Variants in RABGEF1 observed in about 807,000 individuals in gnomAD.
RABGEF1 encodes rab5 GDP/GTP exchange factor.
RABGEF1 carries 26 observed loss-of-function variants against 57.3 expected under a neutral mutation model. The ratio of observed to expected loss-of-function variants is 0.45; its 90% CI spans 0.33 to 0.63. The LOEUF is 0.63. RABGEF1 is among the 20% of genes least tolerant of loss of function. RABGEF1 has a pLI of 0.02. For missense variants in RABGEF1, 464 were observed against 607.6 expected (o/e 0.76, Z 2.48); for synonymous variants, 185 against 210.7 (o/e 0.88, Z 1.06).
chr7:66,684,854 C>A (rs1471761417), intron 1 of RABGEF1, among the ~76,000 whole-genome samples: 1 of 152,086 alleles, frequency 6.6e-6, no homozygotes, highest in Admixed American at 6.5e-5. Context: ...CCAGGATGGT[C>A]TCGATCTCCT....
At chr7:66,730,145 G>A (rs552422093) in intron 2 of RABGEF1, among the ~76,000 whole-genome samples, 47 of 152,288 alleles carry the variant, frequency 3.1e-4, no homozygotes, top group African/African-American at 8.4e-4. Context: ...ACTTCCTCAC[G>A]TCCACGGAGA....
intron 4 of RABGEF1, among the ~76,000 whole-genome samples, chr7:66,795,256 G>A (rs546958438): frequency 2.6e-4 from 40 of 152,142 alleles, no homozygotes; most frequent in Non-Finnish European, 5.4e-4. Context: ...AACCGCCTGC[G>A]AGCCTAAATT....
At chr7:66,661,743 G>A in the RABGEF1 span, among the ~76,000 whole-genome samples, 108 of 152,322 alleles carry the variant, frequency 7.1e-4, 1 homozygote, top group Non-Finnish European at 1.2e-3. Context: ...AACTTGAAGA[G>A]GAGGAAATAC....
chr7:66,745,151 CACT>C (rs1313815179), intron 1 of RABGEF1, among the ~76,000 whole-genome samples: 2 of 151,352 alleles, frequency 1.3e-5, no homozygotes, highest in African/African-American at 4.9e-5. Context: ...GAGATTGTGC[CACT>C]GCACTCCAGC....
chr7:66,778,922 C>T (rs547073318), intron 3 of RABGEF1, among the ~76,000 whole-genome samples: 45 of 151,192 alleles, frequency 3.0e-4, no homozygotes, highest in Non-Finnish European at 5.3e-4. Flanking sequence ...TTGAGACCAG[C>T]CTGACCAACG....
At position 66,809,210 on chromosome 7, in the gene RABGEF1, G is replaced by C. The variant is rs919469897; in HGVS notation, c.1402G>C (p.Ala468Pro). The C allele has an allele frequency of 1.2e-6, 2 of 1,614,118 alleles. No individual in the cohort carries two copies. Among genetic ancestry groups the C allele is most frequent in the African/African-American group, 2.7e-5 (2 of 75,034 alleles). The change falls in exon 9 of 9, where the codon GCA becomes CCA. Residue 468 changes from alanine to proline, a missense_variant. Ala to Pro is a conservative substitution (Grantham distance 27). Coordinates refer to ENST00000284957, the MANE Select transcript of RABGEF1 (RefSeq NM_014504.3). ...AATTAAGCCTCCGAATCAACCGTTA[G>C]CAGCTATTGACTCTGAAAACGTTGA... ...LEIKPPNQPL[A>P]AIDSENVEND...
intron 1 of RABGEF1, among the ~76,000 whole-genome samples, chr7:66,695,946 A>T (rs1447672691): frequency 6.8e-6 from 1 of 147,660 alleles, no homozygotes; most frequent in Non-Finnish European, 1.5e-5. Context: ...AGCGTGGGTA[A>T]CAAAGCGAGA....
In RABGEF1 at chr7:66,727,953, C is replaced by T. The variant is rs182126606; in HGVS notation, c.-814-12043C>T. Among the ~76,000 whole-genome samples the T allele has an allele frequency of 4.1e-4, 62 of 152,268 alleles. No individual in the cohort carries two copies. The East Asian group carries it at 9.5e-3, about 23-fold the overall frequency. On this transcript the variant is annotated intron_variant and NMD_transcript_variant, in intron 2 of 9. Coordinates refer to the RABGEF1 transcript ENST00000607882. ...GACCCCCAAACACCCTTGCCTCAGG[C>T]GTCTCCACCAACCTCATCCTCCCCT... is the stretch of plus-strand genomic sequence containing the variant.
At chr7:66,661,749 A>C in the RABGEF1 span, among the ~76,000 whole-genome samples, 1 of 152,254 alleles carries the variant, frequency 6.6e-6, no homozygotes, top group Non-Finnish European at 1.5e-5. Flanking sequence ...AAGAGGAGGA[A>C]ATACTTTCTA....
upstream of RABGEF1, among the ~76,000 whole-genome samples, chr7:66,681,704 C>A (rs1474878540): frequency 6.6e-6 from 1 of 152,200 alleles, no homozygotes; most frequent in Admixed American, 6.5e-5. Flanking sequence ...TGGCTTAAGA[C>A]CCTTTAACTC....
chr7:66,809,269 A>G lies in RABGEF1; in HGVS notation c.1461A>G (p.Gln487=), dbSNP rs2129200879. ...AACTTCCTCCACCACTGCAACCTCAAGTTTATGCAGGATGATCACAATTTA... is the reference window on the plus strand; with the variant it reads ...AACTTCCTCCACCACTGCAACCTCAGGTTTATGCAGGATGATCACAATTTA... The part of the protein sequence containing the change: ...NDKLPPPLQP[Q]VYAG The change falls in exon 9 of 9, where the codon CAA becomes CAG. Residue 487 remains glutamine (Q), a synonymous_variant. Coordinates refer to ENST00000284957, the MANE Select transcript of RABGEF1 (RefSeq NM_014504.3). 5 of 1,608,626 alleles carry G rather than the reference A, an allele frequency of 3.1e-6. No individual in the cohort carries two copies. The highest frequency in any genetic ancestry group is 1.7e-6 in the Non-Finnish European group (2 of 1,176,232).
intron 7 of RABGEF1, among the ~76,000 whole-genome samples, chr7:66,802,629 A>C (rs1787551471): frequency 1.3e-5 from 2 of 152,296 alleles, no homozygotes; most frequent in South Asian, 4.1e-4. Flanking sequence ...CAAATCATGG[A>C]ATTGCACACA....
intron 4 of RABGEF1, among the ~76,000 whole-genome samples, chr7:66,789,470 C>T (rs1467396789): frequency 6.6e-6 from 1 of 151,970 alleles, no homozygotes; most frequent in Non-Finnish European, 1.5e-5. Flanking sequence ...ATCACAAGGT[C>T]AGGAGATCGA....
chr7:66,722,078 G>T (rs1471921452), intron 2 of RABGEF1, among the ~76,000 whole-genome samples: 1 of 152,166 alleles, frequency 6.6e-6, no homozygotes, highest in Non-Finnish European at 1.5e-5. Context: ...GATCACTTGA[G>T]CCCAGGAGTT....
At chr7:66,793,711 C>T (rs991200288) in intron 4 of RABGEF1, among the ~76,000 whole-genome samples, 2 of 124,280 alleles carry the variant, frequency 1.6e-5, no homozygotes, top group African/African-American at 5.5e-5. Flanking sequence ...TTGACAGTAA[C>T]AAGGGCTGCA....
intron 1 of RABGEF1, among the ~76,000 whole-genome samples, chr7:66,743,077 A>G (rs1237895109): frequency 6.6e-6 from 1 of 152,116 alleles, no homozygotes; most frequent in Non-Finnish European, 1.5e-5. Flanking sequence ...TGGGAGGCCG[A>G]GGCGGGCGGA....
intron 1 of RABGEF1, among the ~76,000 whole-genome samples, chr7:66,687,415 C>A (rs1462615652): frequency 6.7e-6 from 1 of 150,256 alleles, no homozygotes; most frequent in South Asian, 2.1e-4. Context: ...CATGAGCCAC[C>A]GCGCCCAGCC....
At position 66,805,221 on chromosome 7, in the gene RABGEF1, C is replaced by T; in HGVS notation, c.902C>T (p.Ala301Val). Reference sequence around the variant, plus strand: ...AAGTGCAGCAAGCACATCTTCAATGCCATCAAGATCACCAAGAATGAGCCG... The same window carrying T: ...AAGTGCAGCAAGCACATCTTCAATGTCATCAAGATCACCAAGAATGAGCCG... Reference protein sequence around the residue: ...ITKCSKHIFNAIKITKNEPAS... With the variant: ...ITKCSKHIFNVIKITKNEPAS... The change falls in exon 8 of 9, where the codon GCC becomes GTC. Residue 301 changes from alanine to valine, a missense_variant. Around this residue, in one of 4 missense-constraint regions of RABGEF1, gnomAD observed 284 missense variants for 389.9 expected, o/e 0.73. Transcript: ENST00000284957. 6.2e-7 allele frequency: 1 copy of T among 1,614,158 alleles called. No homozygotes were observed. The highest frequency in any genetic ancestry group is 8.5e-7 in the Non-Finnish European group (1 of 1,180,014).
intron 1 of RABGEF1, chr7:66,755,981 T>TTATA (rs1369160352): frequency 8.7e-7 from 1 of 1,144,298 alleles, no homozygotes; most frequent in African/African-American, 1.6e-5. Flanking sequence ...TTTGGAAGCA[T>TTATA]TATATTTAAT....
Sources: allele counts gnomAD v4.1 joint callset (sites outside exome capture counted in the v4.1 genomes callset), GRCh38; gene constraint gnomAD v4.1.1; regional missense constraint gnomAD v4.1.1; transcripts MANE v1.5; gene names NCBI Gene and HGNC (gene_info 2026-07-23, HGNC 2026-07-21).